The following MINDY3 variants were observed in gnomAD, a reference collection of about 807,000 sequenced individuals.
MINDY3 encodes ubiquitin carboxyl-terminal hydrolase MINDY-3.
A neutral mutation model predicts 69.2 loss-of-function variants in MINDY3; 38 were observed. The ratio of observed to expected loss-of-function variants is 0.55; its 90% CI spans 0.42 to 0.72. The LOEUF is 0.72. Among genes scored for constraint, MINDY3 ranks in the 30% least tolerant of loss-of-function variants. The pLI is 0.00. For missense variants in MINDY3, 522 were observed against 519.0 expected, an observed-to-expected ratio of 1.01 and a Z score of -0.06; for synonymous variants, 192 against 180.1, an observed-to-expected ratio of 1.07 and a Z score of -0.53.
intron 10 of MINDY3, among the ~76,000 whole-genome samples, chr10:15,804,057 C>T (rs1328707201): frequency 6.6e-6 from 1 of 152,062 alleles, no homozygotes; most frequent in Admixed American, 6.6e-5. Flanking sequence ...TCTGATTTAC[C>T]ATCAAAATTA....
At chr10:15,829,944 G>A (rs965877722) in intron 8 of MINDY3, among the ~76,000 whole-genome samples, 4 of 152,118 alleles carry the variant, frequency 2.6e-5, no homozygotes, top group African/African-American at 4.8e-5. Flanking sequence ...CGCCACACCC[G>A]AGGCCTCTGC....
intron 3 of MINDY3, 120 bp from the exon 4 acceptor site, chr10:15,841,719 A>C: frequency 1.9e-6 from 1 of 540,330 alleles, no homozygotes; most frequent in Non-Finnish European, 3.1e-6. Context: ...AAATGGGGGA[A>C]AAATCTCTAA....
intron 8 of MINDY3, among the ~76,000 whole-genome samples, chr10:15,825,311 T>G (rs1177860537): frequency 6.6e-6 from 1 of 152,248 alleles, no homozygotes; most frequent in Non-Finnish European, 1.5e-5. Flanking sequence ...GCATGTACTC[T>G]ACATTTGCAA....
intron 2 of MINDY3, among the ~76,000 whole-genome samples, 184 bp from the exon 3 acceptor site, chr10:15,843,456 T>C (rs997823987): frequency 3.3e-5 from 5 of 152,048 alleles, no homozygotes; most frequent in Admixed American, 1.3e-4. Flanking sequence ...ATTCAGAGTA[T>C]ACTGCTATAA....
intron 8 of MINDY3, among the ~76,000 whole-genome samples, chr10:15,830,770 T>C (rs1173225371): frequency 6.6e-6 from 1 of 152,228 alleles, no homozygotes; most frequent in Non-Finnish European, 1.5e-5. Flanking sequence ...AGGTCTTTGC[T>C]TTAGAAGAAC....
intron 2 of MINDY3, among the ~76,000 whole-genome samples, chr10:15,846,320 A>AT (rs1405266551): frequency 6.6e-6 from 1 of 152,214 alleles, no homozygotes; most frequent in Admixed American, 6.5e-5. Flanking sequence ...AAACCTTGCT[A>AT]TTACTGACCA....
intron 13 of MINDY3, among the ~76,000 whole-genome samples, chr10:15,785,871 G>A (rs946487317): frequency 1.3e-5 from 2 of 151,992 alleles, no homozygotes; most frequent in Non-Finnish European, 2.9e-5. Flanking sequence ...AATGTCTATT[G>A]CAACAATGAA....
At chr10:15,785,878 T>C (rs1836919566) in intron 13 of MINDY3, among the ~76,000 whole-genome samples, 1 of 152,186 alleles carries the variant, frequency 6.6e-6, no homozygotes. Context: ...ATTGCAACAA[T>C]GAACTTCAGT....
intron 14 of MINDY3, among the ~76,000 whole-genome samples, chr10:15,780,915 T>G (rs1487926263): frequency 6.6e-6 from 1 of 152,120 alleles, no homozygotes; most frequent in Non-Finnish European, 1.5e-5. Flanking sequence ...GCCAATGACT[T>G]GCTGTGTGAC....
At position 15,786,444 on chromosome 10, in the gene MINDY3, T is replaced by C; in HGVS notation, c.1116+117A>G. 3 of 692,242 alleles carry C rather than the reference T, an allele frequency of 4.3e-6. No individual in the cohort carries two copies. In the East Asian group the frequency reaches 7.7e-5, roughly 18 times the overall value. The allele number at this position is 692,242 out of a possible 1,614,324, so 42.9% of individuals were successfully genotyped here. A position where few individuals can be genotyped will look rare whatever the true frequency, so the allele number is the denominator to read the frequency against. ...TGGGAAGGTTTCCATGTAACGGTGT[T>C]TTCTCAGTCTCATATCTGCGCATTA... is the stretch of plus-strand genomic sequence containing the variant. On this transcript the variant is annotated intron_variant, in intron 13 of 14. Transcript: ENST00000277632.
At chr10:15,842,468 T>C (rs572102641) in intron 3 of MINDY3, among the ~76,000 whole-genome samples, 1 of 151,864 alleles carries the variant, frequency 6.6e-6, no homozygotes, top group Non-Finnish European at 1.5e-5. Context: ...AATAGTTTCT[T>C]CTCTACTAAA....
chr10:15,858,635 A>G (rs943630433), intron 1 of MINDY3, among the ~76,000 whole-genome samples: 1 of 152,210 alleles, frequency 6.6e-6, no homozygotes, highest in South Asian at 2.1e-4. Flanking sequence ...AATCACATGA[A>G]CCTGAACCAA....
At chr10:15,849,973 A>G (rs946727279) in intron 1 of MINDY3, among the ~76,000 whole-genome samples, 4 of 152,308 alleles carry the variant, frequency 2.6e-5, no homozygotes, top group African/African-American at 9.6e-5. Flanking sequence ...GCGGGAAGTT[A>G]GGGACCCTGA....
rs137989791 is a variant in MINDY3 at position 15,806,008 on chromosome 10, C to T, written c.883-9836G>A. ...AATTCCTTTTTGCCATCACCACGTGCAGACAAATCTGAACAATGTCAGTAG... is the reference window on the plus strand; with the variant it reads ...AATTCCTTTTTGCCATCACCACGTGTAGACAAATCTGAACAATGTCAGTAG... On this transcript the variant is annotated intron_variant, in intron 10 of 14. Coordinates refer to ENST00000277632, the MANE Select transcript of MINDY3 (RefSeq NM_024948.4). Among the ~76,000 whole-genome samples the T allele has an allele frequency of 3.3e-3, 502 of 152,222 alleles. 3 individuals carry two copies. The highest frequency in any genetic ancestry group is 0.012 in the African/African-American group (478 of 41,542).
intron 7 of MINDY3, 111 bp downstream of exon 7, chr10:15,834,432 C>T: frequency 1.5e-6 from 1 of 683,580 alleles, no homozygotes; most frequent in South Asian, 1.9e-5. Flanking sequence ...ACATGTTGTA[C>T]TGTCAACACT....
At chr10:15,791,742 C>T (rs1025508565) in intron 11 of MINDY3, among the ~76,000 whole-genome samples, 5 of 152,074 alleles carry the variant, frequency 3.3e-5, no homozygotes, top group South Asian at 2.1e-4. Context: ...TGCAAAGGAG[C>T]GCTGATGAAG....
At chr10:15,803,623 A>G (rs953643622) in intron 10 of MINDY3, among the ~76,000 whole-genome samples, 1 of 152,184 alleles carries the variant, frequency 6.6e-6, no homozygotes, top group Non-Finnish European at 1.5e-5. Flanking sequence ...ATCTAACTAT[A>G]CATAAAACCA....
chr10:15,798,813 C>G lies in MINDY3; in HGVS notation c.883-2641G>C, dbSNP rs566487655. Reference sequence around the variant, plus strand: ...ACAAACAAACAAAAAACCACTATGCCAACGTAGAAAGAAATTAAAGTAAAC... The same window carrying G: ...ACAAACAAACAAAAAACCACTATGCGAACGTAGAAAGAAATTAAAGTAAAC... On this transcript the variant is annotated intron_variant, in intron 10 of 14. Coordinates refer to ENST00000277632, the MANE Select transcript of MINDY3 (RefSeq NM_024948.4). 1.8e-3 allele frequency among the ~76,000 whole-genome samples: 274 copies of G among 151,964 alleles called. 7 individuals are homozygous for G. The highest frequency in any genetic ancestry group is 8.3e-3 in the South Asian group (40 of 4,814).
intron 10 of MINDY3, among the ~76,000 whole-genome samples, chr10:15,805,523 G>A (rs1231159903): frequency 6.6e-6 from 1 of 152,104 alleles, no homozygotes; most frequent in Non-Finnish European, 1.5e-5. Flanking sequence ...CAAGGTAATC[G>A]ATGGTGGTAG....
Sources: allele counts gnomAD v4.1 joint callset (sites outside exome capture counted in the v4.1 genomes callset), GRCh38; gene constraint gnomAD v4.1.1; transcripts MANE v1.5; gene names NCBI Gene and HGNC (gene_info 2026-07-23, HGNC 2026-07-21).